CADPS2: variants seen among roughly 807,000 people sequenced by gnomAD.
CADPS2 encodes the protein calcium-dependent secretion activator 2.
CADPS2 carries 93 observed loss-of-function variants against 172.5 expected under a neutral mutation model. The ratio of observed to expected loss-of-function variants is 0.54; its 90% CI spans 0.46 to 0.64. The LOEUF (loss-of-function observed/expected upper bound fraction) is 0.64. Among genes scored for constraint, CADPS2 ranks in the 30% least tolerant of loss-of-function variants. CADPS2 has a pLI of 0.00. For missense variants in CADPS2, 1,420 were observed against 1,565.9 expected (o/e 0.91, Z 1.57); for synonymous variants, 546 against 555.2 (o/e 0.98, Z 0.23).
chr7:122,390,231 A>T (rs2044204295), intron 22 of CADPS2, among the ~76,000 whole-genome samples: 1 of 152,070 alleles, frequency 6.6e-6, no homozygotes, highest in Non-Finnish European at 1.5e-5. Flanking sequence ...TGCACCATTA[A>T]ATAAGAGAAC....
At chr7:122,852,959 C>T (rs1012491092) in intron 1 of CADPS2, among the ~76,000 whole-genome samples, 3 of 152,174 alleles carry the variant, frequency 2.0e-5, no homozygotes, top group South Asian at 2.1e-4. Flanking sequence ...ATCTCCACTT[C>T]GAAAATCCAC....
chr7:122,554,574 T>G lies in CADPS2; in HGVS notation c.1451A>C (p.Lys484Thr). The change falls in exon 8 of 30, where the codon AAA becomes ACA. Residue 484 changes from lysine to threonine, a missense_variant. Transcript: ENST00000449022. ...LKIKLAVRMD[K>T]PAHMKHSGYL... is the part of the protein sequence containing the mutation. ...CCCACTATGCTTCATATGTGCTGGT[T>G]TATCCATTCGCACTGCCAGTTTGAT... 1 of 1,609,650 alleles carries G rather than the reference T, an allele frequency of 6.2e-7. No individual in the cohort carries two copies. The highest frequency in any genetic ancestry group is 8.5e-7 in the Non-Finnish European group (1 of 1,178,084).
At chr7:122,325,660 A>G in intron 28 of CADPS2, 79 bp from the exon 29 acceptor site, 1 of 805,138 alleles carries the variant, frequency 1.2e-6, no homozygotes, top group Middle Eastern at 2.3e-4. Context: ...AACAGATTCG[A>G]TAATGAGGGG....
intron 17 of CADPS2, chr7:122,424,289 T>A: frequency 1.0e-6 from 1 of 965,152 alleles, no homozygotes; most frequent in Non-Finnish European, 1.2e-6. Context: ...TGCTTTGGAA[T>A]AATTGTTCTG....
chr7:122,774,879 G>A (rs1393366685), intron 1 of CADPS2, among the ~76,000 whole-genome samples: 1 of 152,070 alleles, frequency 6.6e-6, no homozygotes, highest in African/African-American at 2.4e-5. Flanking sequence ...ATGTGTCTGT[G>A]TGCATATCTA....
intron 28 of CADPS2, among the ~76,000 whole-genome samples, chr7:122,334,339 C>G (rs10271420): frequency 1.3e-5 from 2 of 152,318 alleles, no homozygotes; most frequent in East Asian, 1.9e-4. Flanking sequence ...GGTACCCACT[C>G]TGAGGCCATG....
At chr7:122,456,649 A>G (rs1024842530) in intron 14 of CADPS2, among the ~76,000 whole-genome samples, 4 of 152,240 alleles carry the variant, frequency 2.6e-5, no homozygotes, top group Non-Finnish European at 5.9e-5. Context: ...CTTAAAAAAC[A>G]GAATTTGTAC....
chr7:122,570,170 TCAAA>T (rs1181959439), intron 7 of CADPS2, among the ~76,000 whole-genome samples: 1 of 149,924 alleles, frequency 6.7e-6, no homozygotes, highest in African/African-American at 2.5e-5. Context: ...TACAATGAAC[TCAAA>T]CAAATTTACA....
At chr7:122,382,612 G>A (rs1403836076) in intron 24 of CADPS2, among the ~76,000 whole-genome samples, 1 of 151,862 alleles carries the variant, frequency 6.6e-6, no homozygotes, top group Non-Finnish European at 1.5e-5. Context: ...TAGTATAACA[G>A]ACAACATTTT....
At chr7:122,692,642 C>A (rs1304375136) in intron 2 of CADPS2, among the ~76,000 whole-genome samples, 2 of 152,218 alleles carry the variant, frequency 1.3e-5, no homozygotes, top group African/African-American at 2.4e-5. Flanking sequence ...GACCCACTCA[C>A]CTCATCTGGC....
At chr7:122,534,559 G>T (rs1327990305) in intron 8 of CADPS2, among the ~76,000 whole-genome samples, 1 of 152,032 alleles carries the variant, frequency 6.6e-6, no homozygotes, top group African/African-American at 2.4e-5. Context: ...AGAAATAAAT[G>T]TCAAACTGAT....
chr7:122,670,717 T>C (rs1564019090), intron 2 of CADPS2, among the ~76,000 whole-genome samples: 1 of 151,588 alleles, frequency 6.6e-6, no homozygotes, highest in African/African-American at 2.4e-5. Context: ...ATCAGGCTGG[T>C]CTCGAACTCC....
At chr7:122,549,289 A>T (rs1333821686) in intron 8 of CADPS2, among the ~76,000 whole-genome samples, 1 of 152,128 alleles carries the variant, frequency 6.6e-6, no homozygotes, top group Admixed American at 6.5e-5. Context: ...CTAACTCAAT[A>T]CTTACTGTCT....
At chr7:122,562,654 A>G (rs2065913291) in intron 7 of CADPS2, among the ~76,000 whole-genome samples, 1 of 152,166 alleles carries the variant, frequency 6.6e-6, no homozygotes, top group African/African-American at 2.4e-5. Flanking sequence ...CTAAAATTTC[A>G]TCATAAAGGA....
chr7:122,575,006 C>A (rs2067804940), intron 7 of CADPS2, among the ~76,000 whole-genome samples: 1 of 152,038 alleles, frequency 6.6e-6, no homozygotes, highest in African/African-American at 2.4e-5. Context: ...TGATAAGATG[C>A]AACGGGAAGC....
chr7:122,448,518 T>C (rs1448601575), intron 15 of CADPS2, among the ~76,000 whole-genome samples: 2 of 152,180 alleles, frequency 1.3e-5, no homozygotes, highest in Non-Finnish European at 2.9e-5. Flanking sequence ...AACAAAACTT[T>C]AAGAGAGGAC....
intron 3 of CADPS2, among the ~76,000 whole-genome samples, chr7:122,657,484 T>C (rs941818602): frequency 2.8e-4 from 42 of 152,344 alleles, no homozygotes; most frequent in African/African-American, 9.4e-4. Context: ...TTTTATTTCG[T>C]TGAGCAGTGG....
At chr7:122,716,123 T>A (rs979803420) in intron 2 of CADPS2, among the ~76,000 whole-genome samples, 2 of 152,142 alleles carry the variant, frequency 1.3e-5, no homozygotes, top group African/African-American at 4.8e-5. Context: ...ACCATAAACA[T>A]ATACAATTAT....
At chr7:122,438,276 GAA>G in intron 17 of CADPS2, 63 bp downstream of exon 17, 1 of 1,596,004 alleles carries the variant, frequency 6.3e-7, no homozygotes, top group Non-Finnish European at 8.6e-7. Flanking sequence ...ACTTCTCATA[GAA>G]AATTCAGTTA....
Sources: gnomAD v4.1 joint callset for allele counts (sites outside exome capture counted in the v4.1 genomes callset) on GRCh38, gnomAD v4.1.1 for gene constraint, MANE v1.5 for transcripts, NCBI Gene and HGNC (gene_info 2026-07-23, HGNC 2026-07-21) for gene names.